Variants in PARP10 observed in about 807,000 individuals in gnomAD.
PARP10 encodes poly(ADP-ribose) polymerase family member 10, also known as protein mono-ADP-ribosyltransferase PARP10.
A neutral mutation model predicts 82.4 loss-of-function variants in PARP10; 56 were observed. The ratio of observed to expected loss-of-function variants is 0.68; its 90% CI spans 0.55 to 0.85. PARP10 has a LOEUF of 0.85. Ranked by LOEUF, PARP10 falls within the 40% of genes least tolerant of loss-of-function variation. The pLI is 0.00. For synonymous variants in PARP10, 576 were observed against 601.1 expected (o/e 0.96, Z 0.61); for missense variants, 1,227 against 1,379.4 (o/e 0.89, Z 1.75).
Position 143,985,260 on chromosome 8 carries a change from C to CGTAGTGGG in PARP10, c.734_741dup (p.Asp248ProfsTer34). On this transcript the variant is annotated frameshift_variant, in exon 5 of 11. Transcript: ENST00000313028. LOFTEE classifies it high-confidence loss of function. ...GCCAGCTCCTCGGGCTCCAGGATGTCGTAGTGGGGGACAAGGCTCAGCTCT... is the reference window on the plus strand; with the variant it reads ...GCCAGCTCCTCGGGCTCCAGGATGTCGTAGTGGGGTAGTGGGGGACAAGGCTCAGCTCT... 6.2e-7 allele frequency: 1 copy of CGTAGTGGG among 1,613,906 alleles called. No individual in the cohort carries two copies. Among genetic ancestry groups the CGTAGTGGG allele is most frequent in the Non-Finnish European group, 8.5e-7 (1 of 1,179,948 alleles).
Position 143,985,170 on chromosome 8 carries a change from GGA to G in PARP10, c.830_831del (p.Leu277ProfsTer40). The G allele has an allele frequency of 6.2e-7, 1 of 1,614,146 alleles. No homozygotes were observed. The highest frequency in any genetic ancestry group is 8.5e-7 in the Non-Finnish European group (1 of 1,180,018). On this transcript the variant is annotated frameshift_variant, in exon 5 of 11. Coordinates refer to ENST00000313028, the MANE Select transcript of PARP10 (RefSeq NM_032789.5). LOFTEE classifies it high-confidence loss of function. ...TQGPRATKHA[L>X]LRTGGLVTAL... ...GCCGTCACCAACCCTCCGGTCCTCA[GGA>G]GAGCATGCTTGGTAGCCCTAGGCCC...
chr8:144,012,281 C>T (rs1834293476), intron 1 of PARP10: 6 of 549,062 alleles, frequency 1.1e-5, no homozygotes, highest in African/African-American at 5.7e-5. Context: ...AAGGTCAGGA[C>T]ATTCCAGGCC....
At position 143,983,216 on chromosome 8, in the gene PARP10, G is replaced by A. The variant is rs1554748134; in HGVS notation, c.2373C>T (p.Gly791=). Residue 791 remains glycine, a synonymous_variant, in exon 8 of 11, where the codon GGC becomes GGT. Transcript: ENST00000313028. ...AARHLVALLA[G]PWDQSLAFPL... is the part of the protein sequence containing the mutation. The stretch of plus-strand genomic sequence containing the variant: ...GAAAGGCCAAACTCTGATCCCAGGG[G>A]CCAGCCAGAAGTGCCACCAAGTGGC... 4 of 1,613,746 alleles carry A rather than the reference G, an allele frequency of 2.5e-6. No individual in the cohort carries two copies. Among genetic ancestry groups the A allele is most frequent in the Non-Finnish European group, 3.4e-6 (4 of 1,179,994 alleles).
intron 9 of PARP10, among the ~76,000 whole-genome samples, chr8:143,980,069 C>T (rs1833812241): frequency 6.7e-6 from 1 of 148,448 alleles, no homozygotes; most frequent in African/African-American, 2.5e-5. Context: ...CGCCTGTAAT[C>T]CCAGCACTTT....
rs1554749159 is a variant in PARP10 at position 143,985,737 on chromosome 8, C to A, written c.420G>T (p.Lys140Asn). The A allele has an allele frequency of 1.2e-6, 2 of 1,606,704 alleles. No individual in the cohort carries two copies. The highest frequency in any genetic ancestry group is 1.3e-5 in the African/African-American group (1 of 74,786). The change falls in exon 3 of 11, where the codon AAG becomes AAT. Residue 140 changes from lysine to asparagine, a missense_variant. By Grantham distance (94) the Lys-to-Asn change is moderately conservative. Coordinates refer to ENST00000313028, the MANE Select transcript of PARP10 (RefSeq NM_032789.5). The part of the protein sequence containing the change: ...RPDRALVQLP[K>N]PLSEADVRVL... ...GCCTCTCACCTGCCTCAGAAAGGGGCTTGGGCAACTGGACCAGAGCCCGGT... is the reference window on the plus strand; with the variant it reads ...GCCTCTCACCTGCCTCAGAAAGGGGATTGGGCAACTGGACCAGAGCCCGGT...
At chr8:144,010,270 G>A (rs150124495) in intron 1 of PARP10, among the ~76,000 whole-genome samples, 2 of 152,316 alleles carry the variant, frequency 1.3e-5, no homozygotes, top group East Asian at 1.9e-4. Flanking sequence ...TGGTAAAGTC[G>A]ATAAGGTGGG....
At chr8:144,003,535 C>T (rs1445301120) in intron 1 of PARP10, among the ~76,000 whole-genome samples, 1 of 152,026 alleles carries the variant, frequency 6.6e-6, no homozygotes, top group Admixed American at 6.5e-5. Flanking sequence ...GACTGGGACC[C>T]GGAGACAGGA....
In PARP10 at chr8:143,986,120, C is replaced by T; in HGVS notation, c.116G>A (p.Gly39Glu). ...LYFENRRRSGGGPVLSWQRLG... is the reference protein window; with the variant it reads ...LYFENRRRSGEGPVLSWQRLG... ...TCTCTGCCAGCTCAACACAGGTCCC[C>T]CTCCAGAGCGTCGGCGGTTTTCAAA... Residue 39 changes from glycine to glutamate, a missense_variant, in exon 2 of 11, where the codon GGG becomes GAG. Physicochemically the swap from Gly to Glu is moderately conservative, Grantham distance 98. Coordinates refer to ENST00000313028, the MANE Select transcript of PARP10 (RefSeq NM_032789.5). 1.2e-6 allele frequency: 2 copies of T among 1,614,136 alleles called. No homozygotes were observed. The highest frequency in any genetic ancestry group is 1.7e-6 in the Non-Finnish European group (2 of 1,180,018).
At chr8:143,992,513 G>A (rs909655304), upstream of PARP10, 2 of 1,614,036 alleles carry the variant, frequency 1.2e-6, no homozygotes, top group Admixed American at 3.3e-5. Context: ...GGTGAGCATG[G>A]TGGTGCTCTT....
At chr8:144,007,641 C>G (rs1375063485) in intron 1 of PARP10, among the ~76,000 whole-genome samples, 1 of 152,160 alleles carries the variant, frequency 6.6e-6, no homozygotes, top group Non-Finnish European at 1.5e-5. Flanking sequence ...AGTCCTTCCT[C>G]TGGGCAGAGC....
rs370678470 is a variant in PARP10, at chr8:143,978,006, G to A, written c.2632C>T (p.Arg878Trp). 3 of 1,588,038 alleles carry A rather than the reference G, an allele frequency of 1.9e-6. No homozygotes were observed. The highest frequency in any genetic ancestry group is 4.5e-5 in the East Asian group (2 of 44,142). The change falls in exon 10 of 11, where the codon CGG becomes TGG. Residue 878 changes from arginine (R) to tryptophan (W), a missense_variant. Physicochemically the swap from Arg to Trp is moderately radical, Grantham distance 101. Coordinates refer to ENST00000313028, the MANE Select transcript of PARP10 (RefSeq NM_032789.5). ...TACAGCACCTGCTCCACCGGGCGCC[G>A]CTCGCATCGCTGCAGCAGGCGCTCC... The part of the protein sequence containing the change: ...YRERLLQRCE[R>W]RPVEQVLYHG...
At chr8:143,993,480 C>A (rs1834134074), upstream of PARP10, 2 of 156,508 alleles carry the variant, frequency 1.3e-5, no homozygotes, top group Admixed American at 1.2e-4. Flanking sequence ...CCAGGCCCTC[C>A]CTGCTGATGG....
At chr8:144,000,504 A>G (rs782056884) in intron 1 of PARP10, among the ~76,000 whole-genome samples, 19 of 152,186 alleles carry the variant, frequency 1.2e-4, no homozygotes, top group Non-Finnish European at 1.5e-4. Context: ...TGTTTAAGCT[A>G]TTCTGTTTAT....
chr8:143,997,825 T>C (rs1352802925), intron 1 of PARP10, among the ~76,000 whole-genome samples: 6 of 151,740 alleles, frequency 4.0e-5, no homozygotes, highest in African/African-American at 1.2e-4. Context: ...AGGGTTTTAC[T>C]CTGTCACCCA....
upstream of PARP10, chr8:143,991,087 G>A (rs555838751): frequency 6.6e-6 from 4 of 605,102 alleles, 1 homozygote; most frequent in South Asian, 9.2e-5. Flanking sequence ...CAAAGGTCAC[G>A]GTCTTCCCTT....
At chr8:143,997,182 G>C (rs1405943887) in intron 1 of PARP10, among the ~76,000 whole-genome samples, 2 of 152,318 alleles carry the variant, frequency 1.3e-5, no homozygotes, top group East Asian at 3.9e-4. Context: ...AGACTTTTCA[G>C]AATGCCCAAA....
At chr8:143,992,382 C>T (rs782197301), upstream of PARP10, 2 of 1,606,698 alleles carry the variant, frequency 1.2e-6, no homozygotes, top group Non-Finnish European at 1.7e-6. Context: ...AGGTGAGGGG[C>T]CTCCCGTGGC....
intron 1 of PARP10, among the ~76,000 whole-genome samples, chr8:143,996,860 C>T (rs894021858): frequency 8.5e-5 from 13 of 152,278 alleles, no homozygotes; most frequent in African/African-American, 1.9e-4. Context: ...AAGTAAAAAG[C>T]TCAAAAGTCT....
intron 9 of PARP10, among the ~76,000 whole-genome samples, chr8:143,982,390 C>T (rs1299461309): frequency 1.3e-5 from 2 of 152,124 alleles, no homozygotes; most frequent in African/African-American, 2.4e-5. Context: ...AGGAGAATGG[C>T]GTGAACCCGG....
Sources: allele counts gnomAD v4.1 joint callset (sites outside exome capture counted in the v4.1 genomes callset), GRCh38; gene constraint gnomAD v4.1.1; transcripts MANE v1.5; gene names NCBI Gene and HGNC (gene_info 2026-07-23, HGNC 2026-07-21).